The following AGBL1 variants were observed in gnomAD, a reference collection of about 807,000 sequenced individuals.
AGBL1 encodes AGBL carboxypeptidase 1.
Under a neutral mutation model 118.9 loss-of-function variants are expected in AGBL1, and 130 were observed. The ratio of observed to expected loss-of-function variants is 1.09; its 90% CI spans 0.95 to 1.26. The LOEUF is 1.26. AGBL1 is among the 50% of genes most tolerant of loss of function. The probability of loss-of-function intolerance (pLI) is 0.00; values close to 1 mark genes in which losing one functional copy is unlikely to be tolerated. For synonymous variants in AGBL1, 555 were observed against 478.9 expected (o/e 1.16, Z -2.08); for missense variants, 1,584 against 1,298.1 (o/e 1.22, Z -3.38).
chr15:86,654,639 C>T (rs1162972065), intron 21 of AGBL1, among the ~76,000 whole-genome samples: 3 of 152,102 alleles, frequency 2.0e-5, no homozygotes, highest in Non-Finnish European at 2.9e-5. Context: ...AGGTGGATGG[C>T]AGGTGTCAGG....
chr15:86,264,373 G>A lies in AGBL1; in HGVS notation c.1202G>A (p.Ser401Asn), dbSNP rs747459291. ...SKQHCYSKDQSSCGQEREYAV... is the reference protein window; with the variant it reads ...SKQHCYSKDQNSCGQEREYAV... ...CAGCATTGCTACAGCAAGGACCAAAGCTCCTGTGGGCAAGAAAGAGAATAT... is the reference window on the plus strand; with the variant it reads ...CAGCATTGCTACAGCAAGGACCAAAACTCCTGTGGGCAAGAAAGAGAATAT... Residue 401 changes from serine (S) to asparagine (N), a missense_variant, in exon 11 of 23, where the codon AGC becomes AAC. By Grantham distance (46) the Ser-to-Asn change is conservative (BLOSUM62 1). Coordinates refer to ENST00000614907, the MANE Select transcript of AGBL1 (RefSeq NM_001386094.1). 1.2e-6 allele frequency: 2 copies of A among 1,613,626 alleles called. No homozygotes were observed. Among genetic ancestry groups the A allele is most frequent in the East Asian group, 2.2e-5 (1 of 44,886 alleles).
intron 24 of AGBL1, among the ~76,000 whole-genome samples, chr15:87,005,170 G>A (rs923884503): frequency 3.3e-5 from 5 of 152,222 alleles, no homozygotes; most frequent in African/African-American, 4.8e-5. Flanking sequence ...TATGTGTCTT[G>A]GAGTTGCTCT....
intron 16 of AGBL1, among the ~76,000 whole-genome samples, chr15:86,286,425 A>C (rs2079449180): frequency 6.6e-6 from 1 of 150,880 alleles, no homozygotes; most frequent in African/African-American, 2.4e-5. Flanking sequence ...TGTCTAATTG[A>C]AATTTTGTAC....
At position 86,264,639 on chromosome 15, in the gene AGBL1, G is replaced by T; in HGVS notation, c.1468G>T (p.Glu490Ter). ...CTTTTCTAATTCCACTAGGACTAGA[G>T]AAGTTGTCAAAGTAATAGATAAGCT... ...ASFSNSTRTR[E>*]VVKVIDKLLQ... is the part of the protein sequence containing the mutation. Residue 490 changes from glutamate (E) to a stop codon, truncating the protein, a stop_gained, in exon 11 of 23, where the codon GAA becomes TAA. Coordinates refer to ENST00000614907, the MANE Select transcript of AGBL1 (RefSeq NM_001386094.1). LOFTEE classifies it high-confidence loss of function. 1 of 1,613,976 alleles carries T rather than the reference G, an allele frequency of 6.2e-7. No individual in the cohort carries two copies. Among genetic ancestry groups the T allele is most frequent in the Non-Finnish European group, 8.5e-7 (1 of 1,179,878 alleles).
intron 14 of AGBL1, among the ~76,000 whole-genome samples, chr15:86,271,026 T>C (rs537691691): frequency 6.6e-6 from 1 of 150,742 alleles, no homozygotes; most frequent in South Asian, 2.1e-4. Flanking sequence ...AATCTCTCTC[T>C]GCTTCAGTCA....
chr15:86,895,305 C>G (rs1466343969), intron 22 of AGBL1, among the ~76,000 whole-genome samples: 1 of 151,674 alleles, frequency 6.6e-6, no homozygotes, highest in Non-Finnish European at 1.5e-5. Flanking sequence ...AAAAAATAAC[C>G]TGTACCTTAT....
At chr15:86,723,609 A>C (rs541978071) in intron 22 of AGBL1, among the ~76,000 whole-genome samples, 11 of 152,090 alleles carry the variant, frequency 7.2e-5, no homozygotes, top group Non-Finnish European at 1.5e-4. Flanking sequence ...TACACATGTA[A>C]CTAACCTGCA....
chr15:86,735,424 AACAC>A (rs1230674845), intron 22 of AGBL1, among the ~76,000 whole-genome samples: 2 of 151,950 alleles, frequency 1.3e-5, no homozygotes, highest in Admixed American at 1.3e-4. Flanking sequence ...ACAACTTAAA[AACAC>A]ACACACATTA....
chr15:86,338,735 A>C (rs2080413638), intron 17 of AGBL1, among the ~76,000 whole-genome samples: 1 of 152,184 alleles, frequency 6.6e-6, no homozygotes, highest in Admixed American at 6.5e-5. Context: ...GGGCTGCCCA[A>C]ACTGGAACCA....
At chr15:86,653,092 T>C (rs1487083356) in intron 21 of AGBL1, among the ~76,000 whole-genome samples, 1 of 152,158 alleles carries the variant, frequency 6.6e-6, no homozygotes, top group Admixed American at 6.6e-5. Context: ...GAAAGATTAG[T>C]TCACCCATCA....
chr15:86,245,230 C>T (rs1320516744), intron 6 of AGBL1, among the ~76,000 whole-genome samples: 1 of 152,152 alleles, frequency 6.6e-6, no homozygotes, highest in Non-Finnish European at 1.5e-5. Context: ...CATTACATTT[C>T]CATGTTATTG....
chr15:86,201,413 T>C (rs918146758), intron 5 of AGBL1, among the ~76,000 whole-genome samples: 3 of 152,208 alleles, frequency 2.0e-5, no homozygotes, highest in African/African-American at 7.2e-5. Context: ...AATCTAGATA[T>C]AGCAAGCACA....
At chr15:86,162,145 A>G (rs75855753) in intron 5 of AGBL1, among the ~76,000 whole-genome samples, 95 of 152,200 alleles carry the variant, frequency 6.2e-4, no homozygotes, top group African/African-American at 2.3e-3. Flanking sequence ...AATGAATTCT[A>G]CTCAAGCCAT....
At chr15:86,932,406 G>T (rs1367500105) in intron 23 of AGBL1, among the ~76,000 whole-genome samples, 1 of 152,180 alleles carries the variant, frequency 6.6e-6, no homozygotes, top group Non-Finnish European at 1.5e-5. Context: ...GATCTTTCAG[G>T]TTCTAAAATG....
intron 18 of AGBL1, among the ~76,000 whole-genome samples, chr15:86,485,408 T>A (rs560664794): frequency 2.0e-5 from 3 of 152,090 alleles, no homozygotes; most frequent in Admixed American, 2.0e-4. Context: ...TTTTAATACA[T>A]GTGCAGGATC....
intron 5 of AGBL1, among the ~76,000 whole-genome samples, chr15:86,202,599 A>G (rs2141860312): frequency 6.6e-6 from 1 of 152,306 alleles, no homozygotes; most frequent in East Asian, 1.9e-4. Flanking sequence ...ACTGACTAAC[A>G]ATGCTTTGTC....
At chr15:86,994,936 A>G (rs1343934296) in intron 24 of AGBL1, among the ~76,000 whole-genome samples, 1 of 152,140 alleles carries the variant, frequency 6.6e-6, no homozygotes, top group Non-Finnish European at 1.5e-5. Context: ...GTAATGAACT[A>G]TTTCTTTAAA....
At chr15:86,847,327 T>C (rs939797574) in intron 22 of AGBL1, among the ~76,000 whole-genome samples, 2 of 152,224 alleles carry the variant, frequency 1.3e-5, no homozygotes, top group Non-Finnish European at 2.9e-5. Flanking sequence ...TTTCTTTGTA[T>C]CAGAATTCTT....
intron 18 of AGBL1, among the ~76,000 whole-genome samples, chr15:86,471,106 C>T (rs946882434): frequency 1.3e-5 from 2 of 152,242 alleles, no homozygotes; most frequent in Non-Finnish European, 2.9e-5. Flanking sequence ...TCTTCCTGAT[C>T]TAAGAGGAAA....
Sources: gnomAD v4.1 joint callset for allele counts (sites outside exome capture counted in the v4.1 genomes callset) on GRCh38, gnomAD v4.1.1 for gene constraint, MANE v1.5 for transcripts, NCBI Gene and HGNC (gene_info 2026-07-23, HGNC 2026-07-21) for gene names.